The following DLC1 variants were observed in gnomAD, a reference collection of about 807,000 sequenced individuals.
DLC1 encodes the protein DLC1 Rho GTPase activating protein, also known as rho GTPase-activating protein 7.
Under a neutral mutation model 140.3 loss-of-function variants are expected in DLC1, and 54 were observed. The ratio of observed to expected loss-of-function variants is 0.38; its 90% CI spans 0.31 to 0.48. The LOEUF is 0.48. Among genes scored for constraint, DLC1 ranks in the 20% least tolerant of loss-of-function variants. The pLI is 0.96. For synonymous variants in DLC1, 986 were observed against 728.1 expected (o/e 1.35, Z -5.70); for missense variants, 2,536 against 1,907.0 (o/e 1.33, Z -6.14).
chr8:13,515,099 A>AAAAG (rs562230594), upstream of DLC1, among the ~76,000 whole-genome samples: 201 of 152,266 alleles, frequency 1.3e-3, no homozygotes, highest in African/African-American at 4.6e-3. Context: ...TGCTTATGAA[A>AAAAG]AAAGAAAGAA....
At position 13,099,430 on chromosome 8, in the gene DLC1, G is replaced by A; in HGVS notation, c.2907C>T (p.Asn969=). The part of the protein sequence containing the change: ...TTPSDLDSTG[N]SLNEPEEPSE... ...AGGGCTCTTCCGGTTCATTCAGGGA[G>A]TTGCCTGTGCTGTCCAGGTCGCTGG... The change falls in exon 9 of 18, where the codon AAC becomes AAT. Residue 969 remains asparagine, a synonymous_variant. Transcript: ENST00000276297. The A allele has an allele frequency of 1.2e-6, 2 of 1,614,108 alleles. No individual in the cohort carries two copies. Among genetic ancestry groups the A allele is most frequent in the Non-Finnish European group, 1.7e-6 (2 of 1,180,018 alleles).
At chr8:13,158,733 T>TCCCCCCCCCCC in intron 5 of DLC1, among the ~76,000 whole-genome samples, 1 of 58,984 alleles carries the variant, frequency 1.7e-5, no homozygotes. Flanking sequence ...ACCACCACCC[T>TCCCCCCCCCCC]CCCCCCCCCC....
At chr8:13,120,549 G>A (rs962100137) in intron 5 of DLC1, among the ~76,000 whole-genome samples, 17 of 151,418 alleles carry the variant, frequency 1.1e-4, no homozygotes, top group Non-Finnish European at 2.2e-4. Flanking sequence ...CAATGTATGT[G>A]GGTGGTGATG....
Position 13,170,871 on chromosome 8 carries a change from C to T in DLC1, c.1349-55214G>A, listed in dbSNP as rs114898471. On this transcript the variant is annotated intron_variant, in intron 5 of 17. Coordinates refer to ENST00000276297, the MANE Select transcript of DLC1 (RefSeq NM_182643.3). ...GAAGAATGGAAGAGGTGTTCTCAGT[C>T]GTGGGCTTTTAACCTGGGTAGTTAG... Among the ~76,000 whole-genome samples the T allele has an allele frequency of 6.0e-3, 913 of 152,090 alleles. 14 individuals carry two copies. Among genetic ancestry groups the T allele is most frequent in the African/African-American group, 0.021 (857 of 41,462 alleles).
chr8:13,431,300 G>T (rs375520859), intron 2 of DLC1, among the ~76,000 whole-genome samples: 1 of 151,498 alleles, frequency 6.6e-6, no homozygotes, highest in Admixed American at 6.6e-5. Context: ...TGGCTAACAC[G>T]GTGAAACCCC....
intron 2 of DLC1, among the ~76,000 whole-genome samples, chr8:13,466,742 C>T (rs1799961392): frequency 6.6e-6 from 1 of 152,106 alleles, no homozygotes; most frequent in Admixed American, 6.5e-5. Context: ...TCCTGGATAC[C>T]TTTATCATAC....
chr8:13,306,943 G>C (rs2117528619), intron 4 of DLC1, among the ~76,000 whole-genome samples: 1 of 151,818 alleles, frequency 6.6e-6, no homozygotes. Context: ...AATTAGCCGG[G>C]CATAGTGGCA....
At chr8:13,159,473 G>C (rs1824519153) in intron 5 of DLC1, among the ~76,000 whole-genome samples, 1 of 152,188 alleles carries the variant, frequency 6.6e-6, no homozygotes, top group Non-Finnish European at 1.5e-5. Context: ...AGAGGACTTA[G>C]TGGGCTCTCC....
intron 2 of DLC1, among the ~76,000 whole-genome samples, chr8:13,497,946 G>A (rs764404669): frequency 2.6e-5 from 4 of 152,110 alleles, no homozygotes; most frequent in African/African-American, 4.8e-5. Flanking sequence ...TACTGATCTA[G>A]TTTGTAAGCA....
intron 4 of DLC1, among the ~76,000 whole-genome samples, chr8:13,358,160 A>G (rs1018503303): frequency 1.3e-5 from 2 of 152,240 alleles, no homozygotes; most frequent in African/African-American, 4.8e-5. Context: ...TTTTCTGGAA[A>G]AAAAATAGCT....
chr8:13,416,084 C>T (rs1048706218), intron 2 of DLC1, among the ~76,000 whole-genome samples: 12 of 152,182 alleles, frequency 7.9e-5, no homozygotes, highest in African/African-American at 2.9e-4. Context: ...TTCTTTTTGA[C>T]TGTTCACATG....
Position 13,099,990 on chromosome 8 carries a change from T to C in DLC1, c.2347A>G (p.Asn783Asp), listed in dbSNP as rs1818894455. Residue 783 changes from asparagine (N) to aspartate (D), a missense_variant, in exon 9 of 18, where the codon AAT (asparagine) becomes GAT (aspartate). Asn to Asp is a conservative substitution (Grantham distance 23). Coordinates refer to ENST00000276297, the MANE Select transcript of DLC1 (RefSeq NM_182643.3). ...GMYLEGFDPFNQSTFNNVVEQ... is the reference protein window; with the variant it reads ...GMYLEGFDPFDQSTFNNVVEQ... ...ACCACGTTGTTAAATGTTGACTGAT[T>C]GAAAGGATCGAAGCCCTCTAAGTAC... 2 of 1,612,448 alleles carry C rather than the reference T, an allele frequency of 1.2e-6. No individual in the cohort carries two copies. The highest frequency in any genetic ancestry group is 2.2e-5 in the South Asian group (2 of 91,088).
chr8:13,113,246 G>GTA (rs1820264031), intron 6 of DLC1, among the ~76,000 whole-genome samples: 1 of 152,196 alleles, frequency 6.6e-6, no homozygotes, highest in African/African-American at 2.4e-5. Context: ...AAGGCAGGAA[G>GTA]TATAAATTGC....
intron 4 of DLC1, among the ~76,000 whole-genome samples, chr8:13,384,040 T>C (rs887346355): frequency 2.0e-5 from 3 of 152,196 alleles, no homozygotes; most frequent in African/African-American, 7.2e-5. Flanking sequence ...TGTGCATGTA[T>C]CAGGAATTCA....
chr8:13,205,272 G>A (rs1362239305), intron 5 of DLC1, among the ~76,000 whole-genome samples: 1 of 152,182 alleles, frequency 6.6e-6, no homozygotes, highest in Non-Finnish European at 1.5e-5. Context: ...AATTGTGCAA[G>A]ATGATCCATT....
At chr8:13,176,257 T>G (rs896919815) in intron 5 of DLC1, among the ~76,000 whole-genome samples, 1 of 152,216 alleles carries the variant, frequency 6.6e-6, no homozygotes, top group African/African-American at 2.4e-5. Flanking sequence ...AAATTCTTGA[T>G]AGAGGGATGA....
chr8:13,513,054 G>A (rs952101615), intron 1 of DLC1, among the ~76,000 whole-genome samples: 1 of 148,944 alleles, frequency 6.7e-6, no homozygotes, highest in African/African-American at 2.5e-5. Context: ...ACTTCATTAT[G>A]CATAATTATT....
intron 4 of DLC1, among the ~76,000 whole-genome samples, chr8:13,384,558 T>C (rs917452741): frequency 8.3e-6 from 1 of 119,978 alleles, no homozygotes; most frequent in African/African-American, 2.9e-5. Context: ...TAAACGTTCA[T>C]CTTCTAAAAA....
intron 2 of DLC1, among the ~76,000 whole-genome samples, chr8:13,479,867 G>GAA (rs1554528432): frequency 1.4e-4 from 2 of 14,042 alleles, no homozygotes; most frequent in South Asian, 2.2e-3. Context: ...AAGAGAAAAA[G>GAA]AAAGAAAGAA....
Sources: allele counts gnomAD v4.1 joint callset (sites outside exome capture counted in the v4.1 genomes callset), GRCh38; gene constraint gnomAD v4.1.1; transcripts MANE v1.5; gene names NCBI Gene and HGNC (gene_info 2026-07-23, HGNC 2026-07-21).